CDH4: variants seen among roughly 807,000 people sequenced by gnomAD.
CDH4 encodes cadherin 4, also known as cadherin-4.
CDH4 carries 33 observed loss-of-function variants against 86.0 expected under a neutral mutation model. The ratio of observed to expected loss-of-function variants is 0.38; its 90% CI spans 0.29 to 0.51. The LOEUF is 0.51. CDH4 is among the 20% of genes least tolerant of loss of function. The pLI, the probability that CDH4 is intolerant of heterozygous loss-of-function variation, is 0.86. For missense variants in CDH4, 1,114 were observed against 1,307.4 expected (o/e 0.85, Z 2.28); for synonymous variants, 555 against 549.4 (o/e 1.01, Z -0.14).
intron 2 of CDH4, among the ~76,000 whole-genome samples, chr20:61,670,047 C>G (rs2087369519): frequency 6.6e-6 from 1 of 152,178 alleles, no homozygotes; most frequent in African/African-American, 2.4e-5. Context: ...ATGCATGACC[C>G]CCAAAGGTGG....
intron 2 of CDH4, among the ~76,000 whole-genome samples, chr20:61,308,773 G>A (rs1226431792): frequency 1.3e-5 from 2 of 152,250 alleles, no homozygotes; most frequent in Non-Finnish European, 2.9e-5. Flanking sequence ...GAGAGGCTGA[G>A]CAGGAAGATT....
At chr20:61,702,162 G>A (rs960662873) in intron 2 of CDH4, among the ~76,000 whole-genome samples, 3 of 152,184 alleles carry the variant, frequency 2.0e-5, no homozygotes, top group Non-Finnish European at 2.9e-5. Flanking sequence ...AGAGTTGGCC[G>A]AGAAGCAATA....
chr20:61,254,813 T>G lies in CDH4; in HGVS notation c.58-13T>G, dbSNP rs571009028. On this transcript the variant is annotated splice_polypyrimidine_tract_variant and intron_variant, in intron 1 of 15. Coordinates refer to ENST00000614565, the MANE Select transcript of CDH4 (RefSeq NM_001794.5). ...GAACTTATTGTTTTACACTCTCCCC[T>G]TTGTGTTCTCAGGCCCATAATGAGG... 1.6e-4 allele frequency: 239 copies of G among 1,472,706 alleles called. 2 individuals carry two copies. In the South Asian group the frequency reaches 2.6e-3, roughly 16 times the overall value. The allele number at this position is 1,472,706 out of a possible 1,614,324, so 91.2% of individuals were successfully genotyped here.
At chr20:61,508,713 G>A (rs1434401327) in intron 2 of CDH4, among the ~76,000 whole-genome samples, 1 of 152,356 alleles carries the variant, frequency 6.6e-6, no homozygotes, top group Middle Eastern at 3.4e-3. Flanking sequence ...GCCCCACCTG[G>A]AATGCCTGGC....
At chr20:61,322,715 G>T (rs2084515401) in intron 2 of CDH4, among the ~76,000 whole-genome samples, 1 of 152,314 alleles carries the variant, frequency 6.6e-6, no homozygotes, top group Admixed American at 6.5e-5. Flanking sequence ...AGCCACCGAG[G>T]GGTAGCATCC....
intron 2 of CDH4, among the ~76,000 whole-genome samples, chr20:61,615,453 A>C (rs929183902): frequency 1.3e-5 from 2 of 152,224 alleles, no homozygotes; most frequent in Admixed American, 1.3e-4. Context: ...GGAATGTCCC[A>C]TAATGAAAAC....
intron 2 of CDH4, among the ~76,000 whole-genome samples, chr20:61,678,078 CACATA>C (rs1480974191): frequency 2.0e-5 from 3 of 151,390 alleles, no homozygotes; most frequent in Admixed American, 6.6e-5. Context: ...CATGCATACA[CACATA>C]ACATATATTT....
At chr20:61,847,007 C>G (rs1209327849) in intron 5 of CDH4, among the ~76,000 whole-genome samples, 1 of 152,218 alleles carries the variant, frequency 6.6e-6, no homozygotes, top group African/African-American at 2.4e-5. Context: ...GGACCCAGCA[C>G]TTGCTGAATG....
At chr20:61,562,782 C>T (rs559053109) in intron 2 of CDH4, among the ~76,000 whole-genome samples, 6 of 152,304 alleles carry the variant, frequency 3.9e-5, no homozygotes, top group South Asian at 2.1e-4. Context: ...AAAGTTAAAT[C>T]GGCTCTCTTT....
intron 3 of CDH4, among the ~76,000 whole-genome samples, chr20:61,746,190 C>T (rs976715192): frequency 2.6e-5 from 4 of 152,158 alleles, no homozygotes; most frequent in African/African-American, 9.7e-5. Context: ...GTGATTATTA[C>T]AAGCCACGCC....
At chr20:61,591,530 T>C (rs1444003768) in intron 2 of CDH4, among the ~76,000 whole-genome samples, 2 of 152,126 alleles carry the variant, frequency 1.3e-5, no homozygotes, top group African/African-American at 2.4e-5. Context: ...CTCACTCAGG[T>C]GTGTAGATGG....
At chr20:61,383,279 A>ATG (rs1398655725) in intron 2 of CDH4, among the ~76,000 whole-genome samples, 3 of 108,528 alleles carry the variant, frequency 2.8e-5, no homozygotes, top group East Asian at 2.4e-4. Flanking sequence ...ATATGAATAT[A>ATG]TGATATATAT....
chr20:61,348,151 T>C (rs1462702730), intron 2 of CDH4, among the ~76,000 whole-genome samples: 1 of 152,090 alleles, frequency 6.6e-6, no homozygotes, highest in Non-Finnish European at 1.5e-5. Context: ...ACTGGGTCAT[T>C]TATAAAGGAA....
At position 61,418,280 on chromosome 20, in the gene CDH4, G is replaced by A. The variant is rs570502860; in HGVS notation, c.169+163343G>A. ...GGCTGGACTGCAGTGGCACCATCTC[G>A]GCTCACTGCAAGCTCCGCCTCCCGG... On this transcript the variant is annotated intron_variant, in intron 2 of 15. Transcript: ENST00000614565. 3.0e-3 allele frequency among the ~76,000 whole-genome samples: 456 copies of A among 150,160 alleles called. 2 individuals are homozygous for A. The highest frequency in any genetic ancestry group is 0.011 in the African/African-American group (429 of 40,782).
chr20:61,815,275 G>A (rs1980654584), intron 4 of CDH4, among the ~76,000 whole-genome samples: 1 of 152,202 alleles, frequency 6.6e-6, no homozygotes, highest in African/African-American at 2.4e-5. Context: ...CAATAACAGA[G>A]CATCCCAGGG....
rs543959964 is a variant in CDH4, at chr20:61,683,859, G to A, written c.170-59704G>A. Reference sequence around the variant, plus strand: ...ACAAGCCTGTGCCTGCCTGCCGTGGGGTGAGGTGCACCGCCTAGCTGGCAC... The same window carrying A: ...ACAAGCCTGTGCCTGCCTGCCGTGGAGTGAGGTGCACCGCCTAGCTGGCAC... On this transcript the variant is annotated intron_variant, in intron 2 of 15. Transcript: ENST00000614565. Among the ~76,000 whole-genome samples, 36 of 152,260 alleles carry A rather than the reference G, an allele frequency of 2.4e-4. No individual in the cohort carries two copies. In the South Asian group the frequency reaches 7.0e-3, roughly 30 times the overall value.
chr20:61,389,740 G>A (rs6061648), intron 2 of CDH4, among the ~76,000 whole-genome samples: 3,867 of 152,258 alleles, frequency 0.025, 147 homozygotes, highest in African/African-American at 0.08. Context: ...GGGGTGCTGC[G>A]GAACATCCTG....
chr20:61,920,443 G>T (rs918087637), intron 9 of CDH4, among the ~76,000 whole-genome samples: 1 of 148,202 alleles, frequency 6.7e-6, no homozygotes, highest in African/African-American at 2.5e-5. Context: ...CTTGGTGATT[G>T]CATGGAAATG....
At chr20:61,931,669 G>A (rs1445888106) in intron 13 of CDH4, among the ~76,000 whole-genome samples, 3 of 152,198 alleles carry the variant, frequency 2.0e-5, no homozygotes, top group East Asian at 1.9e-4. Flanking sequence ...GGCGTGGGCT[G>A]CATTACCTGC....
Sources: allele counts gnomAD v4.1 joint callset (sites outside exome capture counted in the v4.1 genomes callset), GRCh38; gene constraint gnomAD v4.1.1; transcripts MANE v1.5; gene names NCBI Gene and HGNC (gene_info 2026-07-23, HGNC 2026-07-21).